PACS1: variants seen among roughly 807,000 people sequenced by gnomAD.
PACS1 encodes the protein phosphofurin acidic cluster sorting protein 1.
Under a neutral mutation model 115.0 loss-of-function variants are expected in PACS1, and 24 were observed. The ratio of observed to expected loss-of-function variants is 0.21; its 90% CI spans 0.15 to 0.29. PACS1 has a LOEUF of 0.29. Ranked by LOEUF, PACS1 falls within the 10% of genes least tolerant of loss-of-function variation. The pLI is 1.00. For synonymous variants in PACS1, 453 were observed against 504.5 expected (o/e 0.90, Z 1.37); for missense variants, 838 against 1,251.2 (o/e 0.67, Z 4.98).
intron 1 of PACS1, among the ~76,000 whole-genome samples, chr11:66,185,639 C>T (rs1860112296): frequency 1.3e-5 from 2 of 152,146 alleles, no homozygotes; most frequent in Admixed American, 1.3e-4. Context: ...ACTTCCAGCG[C>T]ACTGTAGCAG....
chr11:66,113,877 G>C (rs1372317552), intron 1 of PACS1, among the ~76,000 whole-genome samples: 1 of 151,914 alleles, frequency 6.6e-6, no homozygotes, highest in Admixed American at 6.6e-5. Context: ...ACATTATTTT[G>C]CAAGTGATAT....
At chr11:66,223,043 A>C in intron 10 of PACS1, among the ~76,000 whole-genome samples, 2 of 120,250 alleles carry the variant, frequency 1.7e-5, no homozygotes, top group African/African-American at 3.3e-5. Context: ...AACTGAGGAG[A>C]CCTCGATTTA....
intron 11 of PACS1, among the ~76,000 whole-genome samples, chr11:66,230,052 C>T (rs1855554086): frequency 6.9e-6 from 1 of 145,234 alleles, no homozygotes; most frequent in African/African-American, 2.6e-5. Flanking sequence ...GAGCGGGACA[C>T]ACAGCAGTGG....
chr11:66,208,865 A>G (rs1264550262), intron 2 of PACS1, among the ~76,000 whole-genome samples: 7 of 152,084 alleles, frequency 4.6e-5, no homozygotes, highest in Non-Finnish European at 1.0e-4. Context: ...GGTTATTGTA[A>G]TTTACTTTGC....
intron 19 of PACS1, chr11:66,238,020 G>A (rs926285712): frequency 7.2e-6 from 7 of 976,840 alleles, no homozygotes; most frequent in Non-Finnish European, 8.5e-6. Flanking sequence ...CTGGGCCCAG[G>A]TGATAGGGCC....
intron 2 of PACS1, among the ~76,000 whole-genome samples, chr11:66,199,361 G>T (rs988775998): frequency 6.6e-6 from 1 of 151,212 alleles, no homozygotes; most frequent in Non-Finnish European, 1.5e-5. Flanking sequence ...GAACTATAGA[G>T]TTTTTATTGG....
intron 1 of PACS1, among the ~76,000 whole-genome samples, chr11:66,146,535 A>G (rs1859127605): frequency 6.6e-6 from 1 of 152,312 alleles, no homozygotes; most frequent in South Asian, 2.1e-4. Context: ...AAAAATGAAC[A>G]GAGCCTCAGA....
intron 8 of PACS1, among the ~76,000 whole-genome samples, chr11:66,220,082 C>A (rs1401988847): frequency 6.6e-6 from 1 of 152,090 alleles, no homozygotes; most frequent in Non-Finnish European, 1.5e-5. Context: ...CAGGGACAGA[C>A]CCAGCGGATG....
At chr11:66,075,501 C>T (rs1283141722) in intron 1 of PACS1, among the ~76,000 whole-genome samples, 1 of 152,128 alleles carries the variant, frequency 6.6e-6, no homozygotes, top group Non-Finnish European at 1.5e-5. Flanking sequence ...CTCAGTCTCT[C>T]GAAGTACTGG....
At chr11:66,186,047 G>A (rs546444919) in intron 1 of PACS1, among the ~76,000 whole-genome samples, 10 of 152,180 alleles carry the variant, frequency 6.6e-5, no homozygotes, top group East Asian at 1.9e-4. Flanking sequence ...CAGGAGGATC[G>A]CTTGAGCCCA....
intron 1 of PACS1, among the ~76,000 whole-genome samples, chr11:66,076,951 T>TG (rs1857410109): frequency 6.6e-6 from 1 of 152,164 alleles, no homozygotes; most frequent in Non-Finnish European, 1.5e-5. Flanking sequence ...TCAAGCAAGG[T>TG]GGGCAGTCTC....
chr11:66,158,331 G>A lies in PACS1; in HGVS notation c.357-35155G>A, dbSNP rs550625338. Among the ~76,000 whole-genome samples, 18 of 152,316 alleles carry A rather than the reference G, an allele frequency of 1.2e-4. No homozygotes were observed. The South Asian group carries it at 3.5e-3, about 30-fold the overall frequency. On this transcript the variant is annotated intron_variant, in intron 1 of 23. Transcript: ENST00000320580. ...TACATCAAGGAAACAAGAGCAGGAT[G>A]CCATGTAAAGGAACTATTCAAGAAT... is the stretch of plus-strand genomic sequence containing the variant.
At chr11:66,122,606 A>G (rs1371793805) in intron 1 of PACS1, among the ~76,000 whole-genome samples, 2 of 152,222 alleles carry the variant, frequency 1.3e-5, no homozygotes, top group African/African-American at 4.8e-5. Context: ...ATCAACATCA[A>G]CAGGAGTTTG....
intron 10 of PACS1, chr11:66,221,520 C>G: frequency 2.5e-6 from 1 of 400,830 alleles, no homozygotes; most frequent in East Asian, 4.7e-5. Context: ...ATGGTGTGCA[C>G]CTGTAGTCCC....
At chr11:66,138,941 A>G (rs574622586) in intron 1 of PACS1, among the ~76,000 whole-genome samples, 2 of 134,456 alleles carry the variant, frequency 1.5e-5, no homozygotes, top group East Asian at 2.1e-4. Flanking sequence ...TCAGCCTCCC[A>G]AAGTGCTGGG....
At chr11:66,077,501 C>T (rs1032961170) in intron 1 of PACS1, among the ~76,000 whole-genome samples, 2 of 152,138 alleles carry the variant, frequency 1.3e-5, no homozygotes, top group Non-Finnish European at 2.9e-5. Flanking sequence ...GTCGAGGCTT[C>T]AGTGAGCCAT....
chr11:66,120,909 C>T (rs1460237897), intron 1 of PACS1: 3 of 421,680 alleles, frequency 7.1e-6, no homozygotes, highest in Non-Finnish European at 1.5e-5. Context: ...TGAAGTCCCC[C>T]TTGCCCCAGC....
chr11:66,193,913 A>G (rs76291716), intron 2 of PACS1, among the ~76,000 whole-genome samples: 3,032 of 152,326 alleles, frequency 0.02, 125 homozygotes, highest in African/African-American at 0.07. Flanking sequence ...TCTTAGTCCC[A>G]GGATTGCTAG....
chr11:66,202,726 G>GGAA (rs1554988658), intron 2 of PACS1, among the ~76,000 whole-genome samples: 398 of 10,888 alleles, frequency 0.037, 22 homozygotes, highest in Non-Finnish European at 0.058. Context: ...TCATCTCTAG[G>GGAA]AAAAAAAAAA....
Sources: gnomAD v4.1 joint callset for allele counts (sites outside exome capture counted in the v4.1 genomes callset) on GRCh38, gnomAD v4.1.1 for gene constraint, MANE v1.5 for transcripts, NCBI Gene and HGNC (gene_info 2026-07-23, HGNC 2026-07-21) for gene names.